Variants in CNTN5 observed in about 807,000 individuals in gnomAD.
CNTN5 encodes contactin 5, also known as contactin-5.
CNTN5 carries 77 observed loss-of-function variants against 129.1 expected under a neutral mutation model. That is an observed-to-expected ratio of 0.60 (90% CI 0.50 to 0.72). The LOEUF (loss-of-function observed/expected upper bound fraction) is 0.72, where lower values mean the gene tolerates loss of function less well. Among genes scored for constraint, CNTN5 ranks in the 30% least tolerant of loss-of-function variants. The pLI, the probability that CNTN5 is intolerant of heterozygous loss-of-function variation, is 0.00. For synonymous variants in CNTN5, 509 were observed against 465.6 expected, an observed-to-expected ratio of 1.09 and a Z score of -1.20; for missense variants, 1,478 against 1,328.8, an observed-to-expected ratio of 1.11 and a Z score of -1.75.
chr11:99,528,931 G>T (rs10893461), intron 2 of CNTN5, among the ~76,000 whole-genome samples: 35,331 of 151,446 alleles, frequency 0.23, 4,779 homozygotes, highest in Non-Finnish European at 0.31. Context: ...CTGGCATAGT[G>T]GTGCATGCCC....
intron 3 of CNTN5, among the ~76,000 whole-genome samples, chr11:99,620,806 CTG>C (rs996710355): frequency 2.6e-5 from 4 of 151,742 alleles, no homozygotes; most frequent in Admixed American, 1.3e-4. Flanking sequence ...GTTCCTGAGA[CTG>C]TGAGTTATCA....
chr11:100,310,393 T>C (rs1200565916), intron 21 of CNTN5, among the ~76,000 whole-genome samples: 1 of 151,958 alleles, frequency 6.6e-6, no homozygotes, highest in African/African-American at 2.4e-5. Context: ...ATTCACCGTG[T>C]TGACATCTCT....
At chr11:99,399,607 CTT>C (rs11302566) in intron 2 of CNTN5, among the ~76,000 whole-genome samples, 30 of 150,910 alleles carry the variant, frequency 2.0e-4, no homozygotes, top group African/African-American at 6.0e-4. Context: ...AGGCAAAGGG[CTT>C]TTTTTTTTAT....
chr11:100,278,899 A>C (rs552642133), intron 18 of CNTN5, among the ~76,000 whole-genome samples: 13 of 151,938 alleles, frequency 8.6e-5, no homozygotes, highest in African/African-American at 3.1e-4. Context: ...AGGAGGAAAG[A>C]CTTTCAGTCT....
At chr11:99,063,886 A>G (rs1295373613) in intron 1 of CNTN5, among the ~76,000 whole-genome samples, 1 of 152,124 alleles carries the variant, frequency 6.6e-6, no homozygotes. Flanking sequence ...ACATATTACA[A>G]TTTGTGTACA....
chr11:100,280,628 A>G (rs1314151364), intron 18 of CNTN5, among the ~76,000 whole-genome samples: 1 of 151,744 alleles, frequency 6.6e-6, no homozygotes, highest in Non-Finnish European at 1.5e-5. Context: ...TATTTTTTTG[A>G]CCATTCAGCC....
chr11:100,173,804 A>G (rs1392727019), intron 13 of CNTN5, among the ~76,000 whole-genome samples: 2 of 152,136 alleles, frequency 1.3e-5, no homozygotes, highest in African/African-American at 2.4e-5. Flanking sequence ...AGTGGCAGCT[A>G]TGTCCCAGAA....
chr11:99,878,080 CTG>C (rs1199215440), intron 6 of CNTN5, among the ~76,000 whole-genome samples: 2 of 152,186 alleles, frequency 1.3e-5, no homozygotes, highest in African/African-American at 2.4e-5. Context: ...TACATTATAA[CTG>C]TACCAAAAAA....
At chr11:99,796,093 G>A (rs866816594) in intron 3 of CNTN5, among the ~76,000 whole-genome samples, 1 of 152,102 alleles carries the variant, frequency 6.6e-6, no homozygotes, top group Non-Finnish European at 1.5e-5. Context: ...GGGGGGCAGG[G>A]CCACTGGCAT....
intron 6 of CNTN5, among the ~76,000 whole-genome samples, chr11:99,870,500 A>G (rs1948476099): frequency 6.6e-6 from 1 of 152,184 alleles, no homozygotes. Flanking sequence ...AAACTGATAT[A>G]GTATTTAAAC....
At chr11:99,244,878 T>C (rs1442869115) in intron 1 of CNTN5, among the ~76,000 whole-genome samples, 1 of 152,198 alleles carries the variant, frequency 6.6e-6, no homozygotes, top group Non-Finnish European at 1.5e-5. Flanking sequence ...GGTTTATTTA[T>C]ACTCAACACA....
intron 2 of CNTN5, among the ~76,000 whole-genome samples, chr11:99,394,790 T>C (rs61891999): frequency 0.061 from 9,213 of 151,678 alleles, 678 homozygotes; most frequent in East Asian, 0.34. Flanking sequence ...TGATAACATG[T>C]GGTATTCGGT....
At chr11:99,077,101 T>A (rs1865606626) in intron 1 of CNTN5, among the ~76,000 whole-genome samples, 1 of 148,898 alleles carries the variant, frequency 6.7e-6, no homozygotes, top group Admixed American at 6.7e-5. Flanking sequence ...CAGTAAGTGA[T>A]GGTATTGAGT....
chr11:99,168,036 A>G (rs918030961), intron 1 of CNTN5, among the ~76,000 whole-genome samples: 5 of 151,950 alleles, frequency 3.3e-5, no homozygotes, highest in African/African-American at 1.2e-4. Flanking sequence ...CCTGTACTCA[A>G]AGGATTCCCC....
At chr11:99,552,742 T>C (rs1948534927) in intron 2 of CNTN5, among the ~76,000 whole-genome samples, 1 of 152,060 alleles carries the variant, frequency 6.6e-6, no homozygotes, top group Non-Finnish European at 1.5e-5. Context: ...AGGGACCGGA[T>C]TGCATACGGC....
At chr11:99,575,276 G>T (rs571688074) in intron 3 of CNTN5, among the ~76,000 whole-genome samples, 2 of 152,106 alleles carry the variant, frequency 1.3e-5, no homozygotes, top group African/African-American at 4.8e-5. Context: ...AAAGTTAAGA[G>T]AAGTGAAAAA....
chr11:99,137,243 G>A (rs548693210), intron 1 of CNTN5, among the ~76,000 whole-genome samples: 10 of 152,134 alleles, frequency 6.6e-5, no homozygotes, highest in African/African-American at 1.2e-4. Context: ...CATCTCAGTC[G>A]GACATTCTAC....
intron 2 of CNTN5, among the ~76,000 whole-genome samples, chr11:99,459,500 G>C (rs75787425): frequency 5.9e-5 from 9 of 152,092 alleles, no homozygotes; most frequent in African/African-American, 2.2e-4. Flanking sequence ...GAAGAGTCTG[G>C]AGGAAGTGAG....
intron 6 of CNTN5, among the ~76,000 whole-genome samples, chr11:99,892,699 T>C (rs887152263): frequency 2.0e-5 from 3 of 152,162 alleles, no homozygotes. Flanking sequence ...TCTGTGTTGG[T>C]ACCAGTACCA....
Sources: gnomAD v4.1 joint callset for allele counts (sites outside exome capture counted in the v4.1 genomes callset) on GRCh38, gnomAD v4.1.1 for gene constraint, MANE v1.5 for transcripts, NCBI Gene and HGNC (gene_info 2026-07-23, HGNC 2026-07-21) for gene names.